The following SLIT3 variants were observed in gnomAD, a reference collection of about 807,000 sequenced individuals.
SLIT3 encodes the protein slit guidance ligand 3, also known as slit homolog 3 protein.
A neutral mutation model predicts 184.0 loss-of-function variants in SLIT3; 68 were observed. The ratio of observed to expected loss-of-function variants is 0.37; its 90% CI spans 0.30 to 0.45. The LOEUF (loss-of-function observed/expected upper bound fraction) is 0.45, where lower values mean the gene tolerates loss of function less well. Ranked by LOEUF, SLIT3 falls within the 20% of genes least tolerant of loss-of-function variation. The pLI, the probability that SLIT3 is intolerant of heterozygous loss-of-function variation, is 1.00. For synonymous variants in SLIT3, 831 were observed against 828.6 expected (o/e 1.00, Z -0.05); for missense variants, 1,707 against 2,026.0 (o/e 0.84, Z 3.02).
At chr5:168,807,705 T>C (rs1757018089) in intron 8 of SLIT3, among the ~76,000 whole-genome samples, 2 of 152,116 alleles carry the variant, frequency 1.3e-5, no homozygotes, top group South Asian at 2.1e-4. Context: ...GGGCTCTTAA[T>C]TGTAGATTAA....
chr5:168,688,088 C>G (rs1455047742), intron 29 of SLIT3, among the ~76,000 whole-genome samples: 1 of 152,224 alleles, frequency 6.6e-6, no homozygotes, highest in African/African-American at 2.4e-5. Flanking sequence ...AACATTCAAC[C>G]AAAATCCCAG....
At chr5:169,114,847 C>G (rs997829778) in intron 4 of SLIT3, among the ~76,000 whole-genome samples, 3 of 152,208 alleles carry the variant, frequency 2.0e-5, no homozygotes, top group African/African-American at 7.2e-5. Flanking sequence ...TAGCTGGCAG[C>G]CGTGGGCTGT....
chr5:169,273,296 C>T (rs1019158281), intron 1 of SLIT3, among the ~76,000 whole-genome samples: 1 of 152,220 alleles, frequency 6.6e-6, no homozygotes, highest in Non-Finnish European at 1.5e-5. Context: ...CAAGTTTCTA[C>T]CTGAGGCTTG....
intron 4 of SLIT3, among the ~76,000 whole-genome samples, chr5:168,947,415 C>A (rs1283606947): frequency 4.6e-5 from 7 of 152,160 alleles, no homozygotes; most frequent in Non-Finnish European, 1.0e-4. Context: ...GGACTCCACT[C>A]CCCCAGGCCC....
At chr5:168,708,877 G>A (rs545832369) in intron 25 of SLIT3, among the ~76,000 whole-genome samples, 1 of 152,312 alleles carries the variant, frequency 6.6e-6, no homozygotes, top group South Asian at 2.1e-4. Flanking sequence ...ACTTCAGTGA[G>A]TGACTGTTTG....
At chr5:169,116,632 T>C (rs1760673695) in intron 4 of SLIT3, among the ~76,000 whole-genome samples, 1 of 152,218 alleles carries the variant, frequency 6.6e-6, no homozygotes, top group Non-Finnish European at 1.5e-5. Context: ...ACTGATAAGA[T>C]GATAGTCCAT....
At chr5:168,758,656 C>T (rs921905294) in intron 16 of SLIT3, among the ~76,000 whole-genome samples, 2 of 152,208 alleles carry the variant, frequency 1.3e-5, no homozygotes, top group African/African-American at 2.4e-5. Context: ...ACAGCATTCG[C>T]TGGAGCCATG....
At chr5:169,278,985 G>A (rs938116552) in intron 1 of SLIT3, among the ~76,000 whole-genome samples, 6 of 152,120 alleles carry the variant, frequency 3.9e-5, no homozygotes, top group Admixed American at 1.3e-4. Context: ...ATGAGGACCC[G>A]GGAGAAAATC....
At chr5:168,674,432 G>C (rs1006659821) in intron 32 of SLIT3, among the ~76,000 whole-genome samples, 1 of 151,784 alleles carries the variant, frequency 6.6e-6, no homozygotes, top group African/African-American at 2.4e-5. Flanking sequence ...TGCTGAACCA[G>C]CATAATGCAA....
intron 5 of SLIT3, among the ~76,000 whole-genome samples, chr5:168,869,982 G>A (rs900366792): frequency 6.6e-6 from 1 of 152,252 alleles, no homozygotes. Context: ...AGAGCTGAAT[G>A]CTTGTGGCAG....
intron 4 of SLIT3, among the ~76,000 whole-genome samples, chr5:168,988,697 T>G (rs1331025434): frequency 6.6e-6 from 1 of 152,072 alleles, no homozygotes; most frequent in Non-Finnish European, 1.5e-5. Context: ...GGTGAATGGG[T>G]GGGATTTAAA....
chr5:168,720,832 C>A (rs983861591), intron 23 of SLIT3: 2 of 152,154 alleles, frequency 1.3e-5, no homozygotes, highest in Admixed American at 1.3e-4. Context: ...GTCACTGACA[C>A]CGGTGTTTTG....
chr5:169,066,881 T>C (rs528532887), intron 4 of SLIT3, among the ~76,000 whole-genome samples: 1 of 148,622 alleles, frequency 6.7e-6, no homozygotes, highest in East Asian at 2.0e-4. Context: ...TGGAAGACAA[T>C]TTAATGACAT....
intron 18 of SLIT3, among the ~76,000 whole-genome samples, chr5:168,752,073 A>G (rs116815828): frequency 0.01 from 1,576 of 152,128 alleles, 34 homozygotes; most frequent in African/African-American, 0.035. Flanking sequence ...CTGTCTGGTG[A>G]TGTCTTACTT....
intron 32 of SLIT3, among the ~76,000 whole-genome samples, chr5:168,683,553 C>T (rs1229993404): frequency 1.3e-5 from 2 of 152,100 alleles, no homozygotes; most frequent in African/African-American, 2.4e-5. Flanking sequence ...GCCCTGCTCC[C>T]TCCGTGCCCT....
At chr5:169,264,735 A>T (rs1437313427) in intron 1 of SLIT3, among the ~76,000 whole-genome samples, 1 of 152,140 alleles carries the variant, frequency 6.6e-6, no homozygotes, top group Non-Finnish European at 1.5e-5. Context: ...CTCCAGACTC[A>T]CACCACAGGA....
chr5:169,198,696 G>T (rs1318864049), intron 3 of SLIT3, among the ~76,000 whole-genome samples: 1 of 152,122 alleles, frequency 6.6e-6, no homozygotes, highest in East Asian at 1.9e-4. Context: ...CACTTTGGGA[G>T]GCCAAGGTGG....
At chr5:168,962,883 C>G (rs1362948252) in intron 4 of SLIT3, among the ~76,000 whole-genome samples, 1 of 152,220 alleles carries the variant, frequency 6.6e-6, no homozygotes, top group Admixed American at 6.5e-5. Flanking sequence ...GATTGCTCCC[C>G]TCCCTCAGGG....
chr5:168,816,520 G>T (rs1416251837), intron 8 of SLIT3, among the ~76,000 whole-genome samples: 1 of 145,402 alleles, frequency 6.9e-6, no homozygotes, highest in Non-Finnish European at 1.5e-5. Flanking sequence ...CCCCTGGAAA[G>T]ATTTTCCTGG....
Sources: gnomAD v4.1 joint callset for allele counts (sites outside exome capture counted in the v4.1 genomes callset) on GRCh38, gnomAD v4.1.1 for gene constraint, MANE v1.5 for transcripts, NCBI Gene and HGNC (gene_info 2026-07-23, HGNC 2026-07-21) for gene names.